Variants in MBP observed in about 807,000 individuals in gnomAD.
The protein encoded by MBP is myelin basic protein, also known as Golli-MBP.
MBP carries 16 observed loss-of-function variants against 35.8 expected under a neutral mutation model. That is an observed-to-expected ratio of 0.45 (90% CI 0.30 to 0.68). The LOEUF (loss-of-function observed/expected upper bound fraction) is 0.68. Among genes scored for constraint, MBP ranks in the 30% least tolerant of loss-of-function variants. MBP has a pLI of 0.08. For missense variants in MBP, 380 were observed against 404.7 expected (o/e 0.94, Z 0.52); for synonymous variants, 143 against 159.6 (o/e 0.90, Z 0.78).
At chr18:77,009,734 G>T in intron 4 of MBP, 1 of 904,454 alleles carries the variant, frequency 1.1e-6, no homozygotes, top group Non-Finnish European at 1.7e-6. Context: ...TGCCCCGGAG[G>T]CTGGGGGTGG....
Position 77,013,689 on chromosome 18 carries a change from T to C in MBP, c.576+3143A>G, listed in dbSNP as rs151251948. The C allele has an allele frequency of 3.2e-5, 32 of 985,158 alleles. No homozygotes were observed. In the African/African-American group the frequency reaches 3.5e-4, roughly 11 times the overall value. The allele number at this position is 985,158 out of a possible 1,614,324, so 61.0% of individuals were successfully genotyped here. A position where few individuals can be genotyped will look rare whatever the true frequency, so the allele number is the denominator to read the frequency against. On this transcript the variant is annotated intron_variant, in intron 4 of 8. Coordinates refer to ENST00000355994, the MANE Select transcript of MBP (RefSeq NM_001025101.2). ...AAGGTTTTCACATAAAACAGAAAAA[T>C]AGACAAAATCATCGGTAAGAAGCTA... is the stretch of plus-strand genomic sequence containing the variant.
Position 77,013,736 on chromosome 18 carries a change from A to G in MBP, c.576+3096T>C, listed in dbSNP as rs565363105. ...GCTAGCTTTCGAAAACCTCCCTAAA[A>G]GTACACGGCACGGAGAAGTGGGGTA... On this transcript the variant is annotated intron_variant, in intron 4 of 8. Coordinates refer to ENST00000355994, the MANE Select transcript of MBP (RefSeq NM_001025101.2). 9 of 985,448 alleles carry G rather than the reference A, an allele frequency of 9.1e-6. 1 individual carries two copies. Among genetic ancestry groups the G allele is most frequent in the Admixed American group, 6.1e-5 (1 of 16,286 alleles). The allele number at this position is 985,448 out of a possible 1,614,324, so 61.0% of individuals were successfully genotyped here.
rs6146398 is a variant in MBP, at chr18:77,112,169, G to GCACACACACACACACACACACA, written c.-25-6884_-25-6883insTGTGTGTGTGTGTGTGTGTGTG. Among the ~76,000 whole-genome samples, 549 of 150,972 alleles carry GCACACACACACACACACACACA rather than the reference G, an allele frequency of 3.6e-3. 3 individuals are homozygous for GCACACACACACACACACACACA. Among genetic ancestry groups the GCACACACACACACACACACACA allele is most frequent in the East Asian group, 6.3e-3 (32 of 5,044 alleles). On this transcript the variant is annotated intron_variant, in intron 1 of 8. Coordinates refer to ENST00000355994, the MANE Select transcript of MBP (RefSeq NM_001025101.2). The stretch of plus-strand genomic sequence containing the variant: ...CCCGTAGAATGAACACCGTGCACAC[G>GCACACACACACACACACACACA]CACACACACACACACACACACGTGC...
chr18:76,993,550 C>CAA (rs60296914), intron 4 of MBP, among the ~76,000 whole-genome samples: 1,130 of 112,762 alleles, frequency 0.01, 27 homozygotes, highest in Non-Finnish European at 0.016. Context: ...ACTTTGTCTC[C>CAA]AAAAAAAAAA....
chr18:76,982,500 A>G (rs947082429), intron 8 of MBP: 1 of 152,250 alleles, frequency 6.6e-6, no homozygotes, highest in Non-Finnish European at 1.5e-5. Flanking sequence ...ATGCACATGG[A>G]AACAGGATGC....
intron 3 of MBP, among the ~76,000 whole-genome samples, chr18:77,058,554 C>T (rs1173280388): frequency 1.3e-5 from 2 of 152,242 alleles, no homozygotes; most frequent in Non-Finnish European, 2.9e-5. Context: ...CAGCACCACC[C>T]CCGCCCCCGC....
At chr18:77,048,354 G>C (rs1315632293) in intron 3 of MBP, among the ~76,000 whole-genome samples, 1 of 152,256 alleles carries the variant, frequency 6.6e-6, no homozygotes, top group East Asian at 1.9e-4. Context: ...GTGGAAGGAA[G>C]AGGTCCAACT....
chr18:77,090,643 C>T (rs1396417392), intron 2 of MBP, among the ~76,000 whole-genome samples: 1 of 152,200 alleles, frequency 6.6e-6, no homozygotes, highest in South Asian at 2.1e-4. Context: ...CTTGGTGGGA[C>T]GTTTCCTAAC....
intron 4 of MBP, chr18:77,009,820 C>A: frequency 6.5e-7 from 1 of 1,550,056 alleles, no homozygotes; most frequent in Non-Finnish European, 8.7e-7. Context: ...CCCCTGGCCC[C>A]GATGGGTGAG....
chr18:77,099,936 C>T (rs1455899872), intron 2 of MBP, among the ~76,000 whole-genome samples: 2 of 152,214 alleles, frequency 1.3e-5, no homozygotes, highest in Non-Finnish European at 2.9e-5. Context: ...GGTGTGGAGT[C>T]CGTTCCCCAG....
chr18:76,992,357 T>C (rs1288490519), intron 4 of MBP, among the ~76,000 whole-genome samples: 1 of 152,194 alleles, frequency 6.6e-6, no homozygotes, highest in African/African-American at 2.4e-5. Context: ...CTGGTGCCGC[T>C]GGCCTGACAG....
At chr18:77,061,990 C>T (rs533665295) in intron 3 of MBP, among the ~76,000 whole-genome samples, 9 of 152,328 alleles carry the variant, frequency 5.9e-5, no homozygotes, top group South Asian at 4.1e-4. Flanking sequence ...TGAACACAGA[C>T]GCGGGCTGGT....
At chr18:77,064,720 C>T (rs1301806247) in intron 3 of MBP, among the ~76,000 whole-genome samples, 1 of 152,180 alleles carries the variant, frequency 6.6e-6, no homozygotes, top group Non-Finnish European at 1.5e-5. Flanking sequence ...AAAGGCCTTT[C>T]CATAAATAAG....
chr18:77,033,595 C>T (rs1599112062), intron 3 of MBP, among the ~76,000 whole-genome samples: 1 of 152,236 alleles, frequency 6.6e-6, no homozygotes, highest in East Asian at 1.9e-4. Flanking sequence ...ATCCATCCAT[C>T]CATCCATGCA....
chr18:77,007,519 G>T (rs1259218054), intron 4 of MBP, among the ~76,000 whole-genome samples: 1 of 152,188 alleles, frequency 6.6e-6, no homozygotes, highest in Non-Finnish European at 1.5e-5. Context: ...TCCCTGGGAG[G>T]GTTCTCTGTC....
In MBP at chr18:77,066,392, A is replaced by G. The variant is rs774184466; in HGVS notation, c.52-7T>C. On this transcript the variant is annotated splice_polypyrimidine_tract_variant and splice_region_variant and intron_variant, in intron 2 of 8. Transcript: ENST00000355994. ...CTCTGTTAGTTTCACTATTCTGGAA[A>G]AAGAAAACACAACAAACCCTTTTCT... is the stretch of plus-strand genomic sequence containing the variant. 1.3e-6 allele frequency: 2 copies of G among 1,561,416 alleles called. No individual in the cohort carries two copies. The highest frequency in any genetic ancestry group is 1.1e-5 in the South Asian group (1 of 89,754).
chr18:77,108,517 T>C (rs1976350395), intron 1 of MBP: 1 of 152,192 alleles, frequency 6.6e-6, no homozygotes, highest in South Asian at 2.1e-4. Context: ...GCGGTCTCAG[T>C]TGGTATTCAG....
intron 3 of MBP, among the ~76,000 whole-genome samples, chr18:77,035,082 C>T (rs1456909621): frequency 3.9e-5 from 6 of 152,188 alleles, no homozygotes; most frequent in African/African-American, 4.8e-5. Flanking sequence ...CACAGCTCCC[C>T]GGGCACCCAG....
At chr18:77,013,368 C>T in intron 4 of MBP, 1 of 985,422 alleles carries the variant, frequency 1.0e-6, no homozygotes, top group Non-Finnish European at 1.2e-6. Flanking sequence ...CTACTGTATC[C>T]TTCATGTGTC....
Sources: allele counts gnomAD v4.1 joint callset (sites outside exome capture counted in the v4.1 genomes callset), GRCh38; gene constraint gnomAD v4.1.1; transcripts MANE v1.5; gene names NCBI Gene and HGNC (gene_info 2026-07-23, HGNC 2026-07-21).